The following THSD4 variants were observed in gnomAD, a reference collection of about 807,000 sequenced individuals.
THSD4 encodes thrombospondin type 1 domain containing 4.
THSD4 carries 69 observed loss-of-function variants against 119.0 expected under a neutral mutation model. That is an observed-to-expected ratio of 0.58 (90% confidence interval 0.48 to 0.71). The LOEUF (loss-of-function observed/expected upper bound fraction) is 0.71, where lower values mean the gene tolerates loss of function less well. Ranked by LOEUF, THSD4 falls within the 30% of genes least tolerant of loss-of-function variation. THSD4 has a pLI of 0.00. For missense variants in THSD4, 1,393 were observed against 1,391.1 expected (o/e 1.00, Z -0.02); for synonymous variants, 524 against 540.4 (o/e 0.97, Z 0.42).
At chr15:71,344,074 T>G (rs1437710073) in intron 6 of THSD4, among the ~76,000 whole-genome samples, 1 of 144,580 alleles carries the variant, frequency 6.9e-6, no homozygotes, top group East Asian at 2.1e-4. Flanking sequence ...AGTCTCGCTC[T>G]GTCGCCCAGG....
intron 7 of THSD4, among the ~76,000 whole-genome samples, chr15:71,629,530 A>G (rs2050578366): frequency 6.6e-6 from 1 of 152,142 alleles, no homozygotes; most frequent in Admixed American, 6.5e-5. Flanking sequence ...TCCCAGCTAA[A>G]GCGTCCTCCT....
intron 1 of THSD4, among the ~76,000 whole-genome samples, chr15:71,102,358 C>G (rs915940557): frequency 1.3e-5 from 2 of 152,040 alleles, no homozygotes; most frequent in African/African-American, 4.8e-5. Flanking sequence ...TGTAATGACA[C>G]AAATATTAAA....
intron 2 of THSD4, among the ~76,000 whole-genome samples, chr15:71,142,435 C>G (rs1320800421): frequency 6.6e-6 from 1 of 152,138 alleles, no homozygotes; most frequent in Non-Finnish European, 1.5e-5. Context: ...ATTCTTCAAT[C>G]AAAATCCTAT....
chr15:71,693,027 C>G (rs1405036233), intron 8 of THSD4, among the ~76,000 whole-genome samples: 1 of 151,678 alleles, frequency 6.6e-6, no homozygotes, highest in Non-Finnish European at 1.5e-5. Context: ...AAAAAGGTCT[C>G]AAATTTCTTG....
intron 7 of THSD4, among the ~76,000 whole-genome samples, chr15:71,575,009 G>A (rs1022183097): frequency 4.6e-5 from 7 of 152,090 alleles, no homozygotes; most frequent in South Asian, 4.1e-4. Context: ...TGCATCAGCC[G>A]TATATAGAGG....
intron 6 of THSD4, among the ~76,000 whole-genome samples, chr15:71,300,329 C>T (rs922168146): frequency 6.6e-6 from 1 of 152,024 alleles, no homozygotes; most frequent in African/African-American, 2.4e-5. Context: ...GACCAAAGGC[C>T]CCCTTATCAG....
At chr15:71,715,143 A>G (rs182497665) in intron 8 of THSD4, among the ~76,000 whole-genome samples, 70 of 152,340 alleles carry the variant, frequency 4.6e-4, no homozygotes, top group African/African-American at 1.7e-3. Flanking sequence ...ATTGATATTC[A>G]GTTATCGCTT....
chr15:71,503,100 C>T (rs528153331), intron 7 of THSD4, among the ~76,000 whole-genome samples: 308 of 152,218 alleles, frequency 2.0e-3, no homozygotes, highest in Non-Finnish European at 3.2e-3. Context: ...GACTGAAGGA[C>T]AATTTTAGAT....
intron 10 of THSD4, among the ~76,000 whole-genome samples, chr15:71,735,113 T>C (rs1341233699): frequency 6.6e-6 from 1 of 151,954 alleles, no homozygotes; most frequent in East Asian, 1.9e-4. Context: ...CACACACACA[T>C]ATTCTCACTC....
chr15:71,608,898 A>G (rs1209289252), intron 7 of THSD4, among the ~76,000 whole-genome samples: 4 of 152,210 alleles, frequency 2.6e-5, no homozygotes, highest in African/African-American at 9.6e-5. Context: ...CACACGCCCC[A>G]TTTCACAGAG....
chr15:71,205,704 T>G (rs2043837951), intron 3 of THSD4, among the ~76,000 whole-genome samples: 1 of 152,288 alleles, frequency 6.6e-6, no homozygotes, highest in African/African-American at 2.4e-5. Context: ...CTGCAGCTGC[T>G]GGCATTAACA....
At chr15:71,473,111 C>CAA (rs567752982) in intron 7 of THSD4, among the ~76,000 whole-genome samples, 2 of 143,580 alleles carry the variant, frequency 1.4e-5, no homozygotes, top group Non-Finnish European at 3.0e-5. Context: ...GGCTGGAGTA[C>CAA]AATGGTGTGA....
chr15:71,577,354 A>G (rs1473211411), intron 7 of THSD4, among the ~76,000 whole-genome samples: 2 of 152,236 alleles, frequency 1.3e-5, no homozygotes, highest in Admixed American at 6.5e-5. Flanking sequence ...AGAGATGGCC[A>G]GAAGACAGGC....
intron 12 of THSD4, 37 bp from the exon 13 acceptor site, chr15:71,746,801 G>T (rs1397963435): frequency 2.5e-6 from 4 of 1,605,818 alleles, no homozygotes; most frequent in Admixed American, 1.7e-5. Flanking sequence ...TTGACTGAAG[G>T]TTGTCTCTCA....
intron 8 of THSD4, among the ~76,000 whole-genome samples, chr15:71,727,622 A>ACACACACACACAC (rs2052885551): frequency 7.9e-6 from 1 of 126,114 alleles, no homozygotes; most frequent in African/African-American, 3.0e-5. Context: ...ACACACACAC[A>ACACACACACACAC]AGCCAGGCAT....
At chr15:71,621,656 C>T (rs2050420593) in intron 7 of THSD4, among the ~76,000 whole-genome samples, 1 of 152,154 alleles carries the variant, frequency 6.6e-6, no homozygotes, top group South Asian at 2.1e-4. Context: ...TATGTTTGGA[C>T]ACTAAAACTG....
At chr15:71,545,899 A>C (rs915798436) in intron 7 of THSD4, among the ~76,000 whole-genome samples, 2 of 152,154 alleles carry the variant, frequency 1.3e-5, no homozygotes, top group Non-Finnish European at 2.9e-5. Context: ...ATGGCTACGA[A>C]CTGCAGTTAG....
intron 6 of THSD4, among the ~76,000 whole-genome samples, chr15:71,357,722 G>C (rs2045838869): frequency 6.6e-6 from 1 of 152,214 alleles, no homozygotes; most frequent in Non-Finnish European, 1.5e-5. Flanking sequence ...CAGATACGGG[G>C]ACAGAGATTA....
chr15:71,483,136 T>C (rs1023412747), intron 7 of THSD4, among the ~76,000 whole-genome samples: 3 of 152,146 alleles, frequency 2.0e-5, no homozygotes, highest in Admixed American at 1.3e-4. Context: ...ATCTTTAATA[T>C]TTAATAAAAG....
Sources: gnomAD v4.1 joint callset for allele counts (sites outside exome capture counted in the v4.1 genomes callset) on GRCh38, gnomAD v4.1.1 for gene constraint, MANE v1.5 for transcripts, NCBI Gene and HGNC (gene_info 2026-07-23, HGNC 2026-07-21) for gene names.